BCAR3: variants seen among roughly 807,000 people sequenced by gnomAD.
BCAR3 encodes the protein breast cancer anti-estrogen resistance protein 3.
A neutral mutation model predicts 80.1 loss-of-function variants in BCAR3; 37 were observed. The ratio of observed to expected loss-of-function variants is 0.46; its 90% CI spans 0.36 to 0.61. BCAR3 has a LOEUF of 0.61. BCAR3 is among the 20% of genes least tolerant of loss of function. The pLI, the probability that BCAR3 is intolerant of heterozygous loss-of-function variation, is 0.00. For synonymous variants in BCAR3, 389 were observed against 418.9 expected, an observed-to-expected ratio of 0.93 and a Z score of 0.87; for missense variants, 978 against 1,068.2, an observed-to-expected ratio of 0.92 and a Z score of 1.18.
intron 2 of BCAR3, among the ~76,000 whole-genome samples, chr1:93,747,974 C>T (rs1651415584): frequency 6.8e-6 from 1 of 147,796 alleles, no homozygotes; most frequent in Non-Finnish European, 1.5e-5. Flanking sequence ...CAACTGAGAA[C>T]CAACCCTGGT....
At chr1:93,562,453 G>C in intron 11 of BCAR3, 34 bp from the exon 12 acceptor site, 1 of 1,600,584 alleles carries the variant, frequency 6.2e-7, no homozygotes, top group South Asian at 1.1e-5. Flanking sequence ...AGTTACTTCA[G>C]TTCTGCCTAA....
chr1:93,732,078 G>T (rs1436015300), intron 2 of BCAR3, among the ~76,000 whole-genome samples: 1 of 152,246 alleles, frequency 6.6e-6, no homozygotes, highest in Non-Finnish European at 1.5e-5. Flanking sequence ...TCCAGGGAAA[G>T]TGAGAAAGAA....
intron 2 of BCAR3, among the ~76,000 whole-genome samples, chr1:93,818,594 G>A (rs911595791): frequency 6.6e-6 from 1 of 152,230 alleles, no homozygotes; most frequent in Non-Finnish European, 1.5e-5. Flanking sequence ...TGTAAAATGG[G>A]AGGTAACAGT....
intron 2 of BCAR3, 131 bp downstream of exon 2, chr1:93,674,483 C>G: frequency 9.8e-7 from 1 of 1,015,382 alleles, no homozygotes; most frequent in Non-Finnish European, 1.4e-6. Flanking sequence ...AACTCCTAAC[C>G]TCATGATCCA....
At chr1:93,719,135 G>A (rs1164701031) in intron 2 of BCAR3, among the ~76,000 whole-genome samples, 1 of 151,952 alleles carries the variant, frequency 6.6e-6, no homozygotes, top group Non-Finnish European at 1.5e-5. Context: ...GTTTCTGGGT[G>A]AAAGGGAAGC....
intron 2 of BCAR3, among the ~76,000 whole-genome samples, chr1:93,717,465 C>T (rs1052601413): frequency 8.5e-5 from 13 of 152,156 alleles, no homozygotes; most frequent in African/African-American, 2.9e-4. Context: ...TGGCTCACGC[C>T]TGTAATCCCA....
intron 3 of BCAR3, among the ~76,000 whole-genome samples, chr1:93,634,980 T>A (rs1054972024): frequency 1.3e-5 from 2 of 152,152 alleles, no homozygotes; most frequent in African/African-American, 4.8e-5. Context: ...ACACATGTAA[T>A]CCCAGCACTT....
At chr1:93,720,851 GA>G (rs1243538474) in intron 2 of BCAR3, among the ~76,000 whole-genome samples, 7 of 151,908 alleles carry the variant, frequency 4.6e-5, no homozygotes, top group Admixed American at 1.3e-4. Flanking sequence ...GGGGAGGGGA[GA>G]AGAATGAAGA....
At position 93,562,286 on chromosome 1, in the gene BCAR3, G is replaced by A. The variant is rs1672711588; in HGVS notation, c.2433C>T (p.Leu811=). Residue 811 remains leucine (L), a synonymous_variant, in exon 12 of 12, where the codon CTC becomes CTT. Transcript: ENST00000260502. ...YEKFNQILTA[L]SRKLEPPPVK... ...CAGGAGGAGGTTCCAATTTACGCGA[G>A]AGGGCAGTTAAAATCTGGTTGAATT... 1 of 1,613,956 alleles carries A rather than the reference G, an allele frequency of 6.2e-7. No individual in the cohort carries two copies. The highest frequency in any genetic ancestry group is 1.7e-5 in the Admixed American group (1 of 60,000).
At chr1:93,791,057 T>G (rs1341093667) in intron 2 of BCAR3, among the ~76,000 whole-genome samples, 1 of 86,192 alleles carries the variant, frequency 1.2e-5, no homozygotes, top group Non-Finnish European at 2.1e-5. Flanking sequence ...CTATCATTGT[T>G]GGACATTTGG....
At chr1:93,596,362 C>A (rs1432022874) in intron 3 of BCAR3, among the ~76,000 whole-genome samples, 1 of 152,210 alleles carries the variant, frequency 6.6e-6, no homozygotes, top group African/African-American at 2.4e-5. Flanking sequence ...TCAAATCCAC[C>A]CCAGTTCCCA....
At chr1:93,829,128 T>C (rs1359444145) in intron 2 of BCAR3, among the ~76,000 whole-genome samples, 1 of 152,092 alleles carries the variant, frequency 6.6e-6, no homozygotes, top group Non-Finnish European at 1.5e-5. Context: ...CGGTCTGCAG[T>C]GGAACGCAAT....
At chr1:93,667,689 T>A (rs1438560020) in intron 2 of BCAR3, among the ~76,000 whole-genome samples, 1 of 152,222 alleles carries the variant, frequency 6.6e-6, no homozygotes, top group African/African-American at 2.4e-5. Flanking sequence ...AGGCCCTATA[T>A]GCTTGTCTTT....
At position 93,678,838 on chromosome 1, in the gene BCAR3, C is replaced by CT. The variant is rs574832080; in HGVS notation, c.-12+2759dup. The stretch of plus-strand genomic sequence containing the variant: ...CTGAAGGGGGTTCCAGGCAAGGGAT[C>CT]TGGCAAATGCAAAGGTCTTGCCATA... On this transcript the variant is annotated intron_variant, in intron 1 of 11. Transcript: ENST00000260502. 1.0e-3 allele frequency among the ~76,000 whole-genome samples: 158 copies of CT among 152,278 alleles called. 1 individual carries two copies. The highest frequency in any genetic ancestry group is 3.7e-3 in the African/African-American group (155 of 41,566).
intron 2 of BCAR3, among the ~76,000 whole-genome samples, chr1:93,815,680 GCTT>G (rs1372874411): frequency 6.6e-6 from 1 of 152,130 alleles, no homozygotes; most frequent in African/African-American, 2.4e-5. Context: ...TGCTGCACAG[GCTT>G]CTTCTGAAGG....
chr1:93,752,322 G>A (rs529696743), intron 2 of BCAR3, among the ~76,000 whole-genome samples: 1 of 152,342 alleles, frequency 6.6e-6, no homozygotes, highest in African/African-American at 2.4e-5. Flanking sequence ...TGGCCCCAGA[G>A]CTCATGGGTA....
chr1:93,672,330 AC>A (rs976351581), intron 2 of BCAR3, among the ~76,000 whole-genome samples: 17 of 135,280 alleles, frequency 1.3e-4, no homozygotes, highest in Non-Finnish European at 2.5e-4. Context: ...CTCCCCACCC[AC>A]CCCCCTAGTG....
intron 3 of BCAR3, among the ~76,000 whole-genome samples, chr1:93,597,255 G>C (rs1674453607): frequency 6.6e-6 from 1 of 152,238 alleles, no homozygotes. Flanking sequence ...TGGGGTCTGA[G>C]ATGAGATGTA....
intron 3 of BCAR3, among the ~76,000 whole-genome samples, chr1:93,698,553 C>T (rs761688964): frequency 2.6e-5 from 4 of 152,160 alleles, no homozygotes; most frequent in South Asian, 2.1e-4. Context: ...CCAAGCCTAC[C>T]CCAACCACGA....
Sources: gnomAD v4.1 joint callset for allele counts (sites outside exome capture counted in the v4.1 genomes callset) on GRCh38, gnomAD v4.1.1 for gene constraint, MANE v1.5 for transcripts, NCBI Gene and HGNC (gene_info 2026-07-23, HGNC 2026-07-21) for gene names.